The following KCNT2 variants were observed in gnomAD, a reference collection of about 807,000 sequenced individuals.
KCNT2 encodes the protein potassium sodium-activated channel subfamily T member 2.
In KCNT2, 67 loss-of-function variants were observed where a neutral mutation model predicts 153.8. The ratio of observed to expected loss-of-function variants is 0.44; its 90% CI spans 0.36 to 0.53. The LOEUF (loss-of-function observed/expected upper bound fraction) is 0.53, where lower values mean the gene tolerates loss of function less well. Among genes scored for constraint, KCNT2 ranks in the 20% least tolerant of loss-of-function variants. KCNT2 has a pLI of 0.00. For missense variants in KCNT2, 975 were observed against 1,354.8 expected (o/e 0.72, Z 4.40); for synonymous variants, 500 against 458.8 (o/e 1.09, Z -1.15).
chr1:196,512,088 A>T (rs573978653), intron 1 of KCNT2, among the ~76,000 whole-genome samples: 37 of 152,318 alleles, frequency 2.4e-4, no homozygotes, highest in African/African-American at 8.4e-4. Flanking sequence ...ATCGGTTATC[A>T]GTGCTCATCG....
At chr1:196,329,582 GA>G (rs1558151924) in intron 18 of KCNT2, among the ~76,000 whole-genome samples, 1 of 151,518 alleles carries the variant, frequency 6.6e-6, no homozygotes, top group Non-Finnish European at 1.5e-5. Flanking sequence ...TGTGGTGACT[GA>G]AGCATATATT....
chr1:196,547,635 T>G (rs1657283061), intron 1 of KCNT2, among the ~76,000 whole-genome samples: 2 of 151,956 alleles, frequency 1.3e-5, no homozygotes, highest in Admixed American at 1.3e-4. Flanking sequence ...TTTCTTACCC[T>G]TTCACTGTCC....
chr1:196,273,557 T>G lies in KCNT2; in HGVS notation c.2910+7303A>C, dbSNP rs982818358. 13 of 1,128,144 alleles carry G rather than the reference T, an allele frequency of 1.2e-5. No homozygotes were observed. In the African/African-American group the frequency reaches 2.0e-4, roughly 17 times the overall value. 69.9% of individuals were successfully genotyped at this position (1,128,144 alleles called of 1,614,324 possible). A position where few individuals can be genotyped will look rare whatever the true frequency, so the allele number is the denominator to read the frequency against. On this transcript the variant is annotated intron_variant, in intron 25 of 27. Transcript: ENST00000294725. ...AAACAATGACTAAACAATAGATGCA[T>G]GCCAACAATCAGTAACAAGGACAAA...
intron 1 of KCNT2, among the ~76,000 whole-genome samples, chr1:196,586,258 T>C (rs570372092): frequency 6.6e-6 from 1 of 152,112 alleles, no homozygotes; most frequent in South Asian, 2.1e-4. Flanking sequence ...AGTGAGACTC[T>C]GTTTCAAAAT....
intron 13 of KCNT2, among the ~76,000 whole-genome samples, chr1:196,375,197 T>C (rs1039312468): frequency 6.6e-6 from 1 of 151,772 alleles, no homozygotes; most frequent in Non-Finnish European, 1.5e-5. Flanking sequence ...TTTCAAAAAC[T>C]GTACTAATCA....
At chr1:196,320,865 T>C (rs2148043774) in intron 19 of KCNT2, among the ~76,000 whole-genome samples, 1 of 152,010 alleles carries the variant, frequency 6.6e-6, no homozygotes, top group South Asian at 2.1e-4. Context: ...AGTTACTTAT[T>C]TTGTAAGTTA....
At chr1:196,437,197 G>A (rs1283125991) in intron 8 of KCNT2, among the ~76,000 whole-genome samples, 5 of 97,242 alleles carry the variant, frequency 5.1e-5, no homozygotes, top group African/African-American at 1.6e-4. Flanking sequence ...GTTACAATTA[G>A]GTAACTACCA....
chr1:196,341,922 C>G (rs1032327728), intron 15 of KCNT2, among the ~76,000 whole-genome samples, 157 bp downstream of exon 15: 1 of 152,086 alleles, frequency 6.6e-6, no homozygotes, highest in Non-Finnish European at 1.5e-5. Context: ...CATACAGACA[C>G]CAGGGTTCAA....
intron 14 of KCNT2, among the ~76,000 whole-genome samples, chr1:196,365,711 A>G (rs1373910111): frequency 6.6e-6 from 1 of 152,242 alleles, no homozygotes; most frequent in South Asian, 2.1e-4. Flanking sequence ...GATATAAAAT[A>G]CAAACATGCA....
chr1:196,388,036 G>A (rs1377220154), intron 13 of KCNT2, among the ~76,000 whole-genome samples: 1 of 149,946 alleles, frequency 6.7e-6, no homozygotes, highest in African/African-American at 2.5e-5. Context: ...TTTTAGATAT[G>A]TTGTAGTCTC....
At chr1:196,546,163 A>G (rs963531644) in intron 1 of KCNT2, among the ~76,000 whole-genome samples, 4 of 152,070 alleles carry the variant, frequency 2.6e-5, no homozygotes. Context: ...ACTTATTCAA[A>G]TCCTCAACAA....
chr1:196,339,548 G>GAGAC (rs1553291014), intron 16 of KCNT2, among the ~76,000 whole-genome samples: 4 of 150,614 alleles, frequency 2.7e-5, no homozygotes, highest in African/African-American at 7.3e-5. Context: ...GAGAGAGAGA[G>GAGAC]AGAGACAGAG....
intron 1 of KCNT2, among the ~76,000 whole-genome samples, chr1:196,502,624 A>G (rs376704035): frequency 2.0e-5 from 3 of 152,168 alleles, no homozygotes; most frequent in East Asian, 1.9e-4. Context: ...GCCCTTAGTA[A>G]TCACAACCTG....
intron 16 of KCNT2, among the ~76,000 whole-genome samples, chr1:196,338,948 C>CAAAAAA (rs976388530): frequency 2.7e-5 from 1 of 37,720 alleles, no homozygotes; most frequent in African/African-American, 7.4e-5. Context: ...TGCTTTTTAG[C>CAAAAAA]AAAAAAAAAA....
At chr1:196,490,369 A>T (rs976537398) in intron 2 of KCNT2, among the ~76,000 whole-genome samples, 2 of 150,846 alleles carry the variant, frequency 1.3e-5, no homozygotes, top group Admixed American at 1.3e-4. Context: ...AATCTTGTAG[A>T]TTTGATTATA....
At chr1:196,454,566 A>G (rs1676492739) in intron 8 of KCNT2, among the ~76,000 whole-genome samples, 2 of 151,956 alleles carry the variant, frequency 1.3e-5, no homozygotes, top group South Asian at 4.2e-4. Flanking sequence ...TTCATGGTGT[A>G]TCTGTACCAT....
At chr1:196,517,136 C>T (rs1026604396) in intron 1 of KCNT2, among the ~76,000 whole-genome samples, 2 of 152,186 alleles carry the variant, frequency 1.3e-5, no homozygotes, top group African/African-American at 4.8e-5. Flanking sequence ...TCCAGACCCC[C>T]AGAACAGAGC....
intron 17 of KCNT2, among the ~76,000 whole-genome samples, chr1:196,331,803 C>T (rs1369624168): frequency 1.3e-5 from 2 of 152,056 alleles, no homozygotes; most frequent in Non-Finnish European, 2.9e-5. Flanking sequence ...ATGATTTGCT[C>T]TATCAATATT....
At chr1:196,281,664 C>T (rs1049281964) in intron 24 of KCNT2, among the ~76,000 whole-genome samples, 1 of 151,878 alleles carries the variant, frequency 6.6e-6, no homozygotes, top group African/African-American at 2.4e-5. Flanking sequence ...ATCTATAAAA[C>T]AAAGGAGTTA....
Sources: allele counts gnomAD v4.1 joint callset (sites outside exome capture counted in the v4.1 genomes callset), GRCh38; gene constraint gnomAD v4.1.1; transcripts MANE v1.5; gene names NCBI Gene and HGNC (gene_info 2026-07-23, HGNC 2026-07-21).